Variants in TENM3 observed in about 807,000 individuals in gnomAD.
The protein encoded by TENM3 is teneurin transmembrane protein 3.
TENM3 carries 63 observed loss-of-function variants against 255.1 expected under a neutral mutation model. That is an observed-to-expected ratio of 0.25 (90% CI 0.20 to 0.30). The LOEUF (loss-of-function observed/expected upper bound fraction) is 0.30. Among genes scored for constraint, TENM3 ranks in the 10% least tolerant of loss-of-function variants. The pLI, the probability that TENM3 is intolerant of heterozygous loss-of-function variation, is 1.00. For missense variants in TENM3, 2,929 were observed against 3,461.1 expected (o/e 0.85, Z 3.86); for synonymous variants, 1,306 against 1,322.3 (o/e 0.99, Z 0.27).
intron 3 of TENM3, among the ~76,000 whole-genome samples, chr4:182,528,141 A>T (rs1739408236): frequency 6.6e-6 from 1 of 151,790 alleles, no homozygotes; most frequent in Non-Finnish European, 1.5e-5. Context: ...ATTTTTTGAG[A>T]CAGTCTCACT....
the TENM3 span, among the ~76,000 whole-genome samples, chr4:181,785,588 A>G: frequency 4.9e-4 from 75 of 152,304 alleles, no homozygotes; most frequent in African/African-American, 1.6e-3. Context: ...AAACTTTCTG[A>G]GCACCAATAT....
the TENM3 span, among the ~76,000 whole-genome samples, chr4:181,475,913 C>G: frequency 6.6e-6 from 1 of 152,206 alleles, no homozygotes; most frequent in Non-Finnish European, 1.5e-5. Context: ...GCAAGGGGCA[C>G]CGGGTTCACC....
intron 3 of TENM3, among the ~76,000 whole-genome samples, chr4:182,541,425 A>G (rs945258599): frequency 1.3e-5 from 2 of 152,196 alleles, no homozygotes; most frequent in Non-Finnish European, 2.9e-5. Context: ...TCTTTCAAAA[A>G]CACAATCATC....
At chr4:182,466,420 G>A (rs1732596212) in intron 3 of TENM3, among the ~76,000 whole-genome samples, 1 of 152,106 alleles carries the variant, frequency 6.6e-6, no homozygotes, top group Admixed American at 6.5e-5. Flanking sequence ...CTGTGTCTCT[G>A]TGAGGCTCAG....
chr4:182,224,924 G>A (rs1426873697), intron 1 of TENM3, among the ~76,000 whole-genome samples: 1 of 151,868 alleles, frequency 6.6e-6, no homozygotes, highest in African/African-American at 2.4e-5. Flanking sequence ...TTTAGTGACG[G>A]GGTTTCACCA....
intron 3 of TENM3, among the ~76,000 whole-genome samples, chr4:182,400,080 T>A (rs189138931): frequency 6.6e-6 from 1 of 152,358 alleles, no homozygotes; most frequent in Non-Finnish European, 1.5e-5. Context: ...TTTTTTGTTA[T>A]ACTTCAGAGA....
chr4:182,442,841 C>T (rs186063723), intron 3 of TENM3, among the ~76,000 whole-genome samples: 19 of 92,402 alleles, frequency 2.1e-4, no homozygotes, highest in East Asian at 8.5e-4. Flanking sequence ...TACATACATA[C>T]ATATATACAC....
rs1762214481 is a variant in TENM3, at chr4:182,307,654, G to A, written c.-75-16292G>A. Among the ~76,000 whole-genome samples the A allele has an allele frequency of 4.6e-5, 7 of 152,178 alleles. No individual in the cohort carries two copies. In the South Asian group the frequency reaches 1.2e-3, roughly 27 times the overall value. On this transcript the variant is annotated intron_variant, in intron 1 of 27. Coordinates refer to ENST00000511685, the MANE Select transcript of TENM3 (RefSeq NM_001080477.4). ...AATTGAATTACTTTAAAGCAGAGCC[G>A]TGGTGGGCAAAATTAGATCATATTT...
chr4:182,541,441 A>G (rs1177382865), intron 3 of TENM3, among the ~76,000 whole-genome samples: 4 of 152,220 alleles, frequency 2.6e-5, no homozygotes, highest in African/African-American at 4.8e-5. Flanking sequence ...TCATCCAACA[A>G]TATACTGAAT....
At chr4:182,042,880 CGTGTGTGT>C in the TENM3 span, among the ~76,000 whole-genome samples, 1,967 of 149,348 alleles carry the variant, frequency 0.013, 49 homozygotes, top group African/African-American at 0.045. Context: ...ATCGTGTGTG[CGTGTGTGT>C]GTGTGTGTGT....
At chr4:182,168,048 T>A (rs1751839689) in intron 1 of TENM3, among the ~76,000 whole-genome samples, 3 of 152,188 alleles carry the variant, frequency 2.0e-5, no homozygotes, top group Admixed American at 1.3e-4. Context: ...TAGAGCTAGG[T>A]GAGTTACATG....
chr4:181,685,071 G>GT, the TENM3 span, among the ~76,000 whole-genome samples: 4 of 151,666 alleles, frequency 2.6e-5, no homozygotes, highest in African/African-American at 9.7e-5. Context: ...GCCAATGCTT[G>GT]TTTTTTTGTT....
At chr4:182,786,226 G>A (rs528602221) in intron 24 of TENM3, among the ~76,000 whole-genome samples, 33 of 152,168 alleles carry the variant, frequency 2.2e-4, no homozygotes, top group Middle Eastern at 3.4e-3. Context: ...TGGGTGTTTC[G>A]GTGTCGCCTA....
At chr4:182,693,155 G>A (rs1757137433) in intron 12 of TENM3, among the ~76,000 whole-genome samples, 1 of 151,768 alleles carries the variant, frequency 6.6e-6, no homozygotes, top group Non-Finnish European at 1.5e-5. Flanking sequence ...CTTTTTATTT[G>A]TTAATTAATT....
the TENM3 span, among the ~76,000 whole-genome samples, chr4:181,552,581 G>A: frequency 6.6e-6 from 1 of 152,176 alleles, no homozygotes; most frequent in African/African-American, 2.4e-5. Context: ...AAGCTTCTCT[G>A]AGTTATTATT....
intron 13 of TENM3, among the ~76,000 whole-genome samples, chr4:182,728,705 C>T (rs1760426630): frequency 6.6e-6 from 1 of 152,078 alleles, no homozygotes; most frequent in African/African-American, 2.4e-5. Context: ...TGTATCTAAA[C>T]CTAGAAAAGG....
chr4:181,961,478 T>TG, the TENM3 span, among the ~76,000 whole-genome samples: 1 of 152,110 alleles, frequency 6.6e-6, no homozygotes, highest in Non-Finnish European at 1.5e-5. Context: ...TGGAGCGTAG[T>TG]GTGCGATCTC....
chr4:182,549,898 A>G (rs1741830856), intron 3 of TENM3, among the ~76,000 whole-genome samples: 2 of 152,234 alleles, frequency 1.3e-5, no homozygotes, highest in African/African-American at 4.8e-5. Flanking sequence ...ATAGAGAACT[A>G]TATCTAGGCA....
chr4:182,787,441 T>C (rs1330297185), intron 24 of TENM3, among the ~76,000 whole-genome samples: 3 of 152,126 alleles, frequency 2.0e-5, no homozygotes, highest in East Asian at 3.9e-4. Context: ...AAAGTTAAGA[T>C]GTAATTTCTA....
Sources: gnomAD v4.1 joint callset for allele counts (sites outside exome capture counted in the v4.1 genomes callset) on GRCh38, gnomAD v4.1.1 for gene constraint, MANE v1.5 for transcripts, NCBI Gene and HGNC (gene_info 2026-07-23, HGNC 2026-07-21) for gene names.